The following IFTAP variants were observed in gnomAD, a reference collection of about 807,000 sequenced individuals.
IFTAP encodes the protein intraflagellar transport associated protein, also known as intraflagellar transport-associated protein.
Under a neutral mutation model 19.4 loss-of-function variants are expected in IFTAP, and 19 were observed. The ratio of observed to expected loss-of-function variants is 0.98; its 90% confidence interval spans 0.68 to 1.44. The LOEUF (loss-of-function observed/expected upper bound fraction) is 1.44, where lower values mean the gene tolerates loss of function less well. IFTAP is among the 40% of genes most tolerant of loss of function. IFTAP has a pLI of 0.00. For synonymous variants in IFTAP, 85 were observed against 83.5 expected, an observed-to-expected ratio of 1.02 and a Z score of -0.10; for missense variants, 240 against 253.6, an observed-to-expected ratio of 0.95 and a Z score of 0.36.
intron 4 of IFTAP, among the ~76,000 whole-genome samples, chr11:36,643,160 A>G (rs1178644959): frequency 6.6e-6 from 1 of 152,246 alleles, no homozygotes; most frequent in East Asian, 1.9e-4. Context: ...AAGTCTCAGG[A>G]TACAAAATCA....
At chr11:36,617,044 T>C (rs186711422) in intron 2 of IFTAP, among the ~76,000 whole-genome samples, 3 of 151,660 alleles carry the variant, frequency 2.0e-5, no homozygotes, top group Admixed American at 6.6e-5. Flanking sequence ...GCATAAAACA[T>C]ACACTGGATT....
chr11:36,597,136 G>T (rs753127497), intron 1 of IFTAP, among the ~76,000 whole-genome samples: 1 of 152,140 alleles, frequency 6.6e-6, no homozygotes, highest in African/African-American at 2.4e-5. Context: ...GATGATGTAT[G>T]CATTTAAAGA....
intron 2 of IFTAP, among the ~76,000 whole-genome samples, chr11:36,623,572 T>C (rs1456068340): frequency 6.6e-6 from 1 of 152,184 alleles, no homozygotes; most frequent in Non-Finnish European, 1.5e-5. Context: ...TTGGCACATG[T>C]TCTGTCCCAA....
At chr11:36,623,762 T>C (rs1271456752) in intron 2 of IFTAP, among the ~76,000 whole-genome samples, 4 of 152,212 alleles carry the variant, frequency 2.6e-5, no homozygotes, top group Non-Finnish European at 5.9e-5. Context: ...TCATTGCCTG[T>C]ACTTTCAGGA....
intron 2 of IFTAP, among the ~76,000 whole-genome samples, chr11:36,622,884 A>T (rs1051814728): frequency 6.6e-6 from 1 of 152,120 alleles, no homozygotes; most frequent in Non-Finnish European, 1.5e-5. Flanking sequence ...TATAGTACAT[A>T]TTGTATTGTG....
intron 2 of IFTAP, among the ~76,000 whole-genome samples, chr11:36,619,556 C>A (rs1852221516): frequency 6.6e-6 from 1 of 151,978 alleles, no homozygotes; most frequent in Non-Finnish European, 1.5e-5. Context: ...AAAGAAAACA[C>A]AACAAGAAAA....
At chr11:36,643,525 A>G (rs1193652741) in intron 4 of IFTAP, among the ~76,000 whole-genome samples, 1 of 152,238 alleles carries the variant, frequency 6.6e-6, no homozygotes, top group Admixed American at 6.5e-5. Context: ...ACCAAAAAAG[A>G]GCCTGCATTG....
chr11:36,602,699 G>A (rs1467913681), intron 1 of IFTAP, among the ~76,000 whole-genome samples: 37 of 152,066 alleles, frequency 2.4e-4, no homozygotes, highest in Admixed American at 2.4e-3. Flanking sequence ...ATCAGTTTTG[G>A]ACATGGCTGA....
chr11:36,644,661 A>G (rs951464552), intron 4 of IFTAP, among the ~76,000 whole-genome samples: 8 of 152,150 alleles, frequency 5.3e-5, no homozygotes, highest in Non-Finnish European at 1.0e-4. Context: ...ATGGAATACT[A>G]TGCAGCCATA....
chr11:36,657,708 G>A (rs1457989187), intron 5 of IFTAP, among the ~76,000 whole-genome samples: 1 of 152,126 alleles, frequency 6.6e-6, no homozygotes, highest in African/African-American at 2.4e-5. Context: ...AGCTTTATAA[G>A]GTAGGGGTAA....
intron 4 of IFTAP, among the ~76,000 whole-genome samples, chr11:36,644,060 C>A (rs1265135052): frequency 2.0e-5 from 3 of 152,092 alleles, no homozygotes; most frequent in Non-Finnish European, 2.9e-5. Context: ...AGTGAACAGG[C>A]AACCTACAGA....
Position 36,622,083 on chromosome 11 carries a change from A to ATTTTTTTTTTTTT in IFTAP, c.137-11195_137-11194insTTTTTTTTTTTTT, listed in dbSNP as rs199873596. Among the ~76,000 whole-genome samples the ATTTTTTTTTTTTT allele has an allele frequency of 2.5e-4, 34 of 138,182 alleles. 1 individual carries two copies. Among genetic ancestry groups the ATTTTTTTTTTTTT allele is most frequent in the African/African-American group, 3.9e-4 (14 of 35,754 alleles). The allele number at this position is 138,182 out of a possible 152,430, so 90.7% of individuals were successfully genotyped here. On this transcript the variant is annotated intron_variant, in intron 2 of 5. Coordinates refer to ENST00000334307, the MANE Select transcript of IFTAP (RefSeq NM_138787.4). Reference sequence around the variant, plus strand: ...TTATTTTACTTTAAGCTCTTGTTCTATTTTTTATTTTTTTTTTTGTGAAGG... The same window carrying ATTTTTTTTTTTTT: ...TTATTTTACTTTAAGCTCTTGTTCTATTTTTTTTTTTTTTTTTTTATTTTTTTTTTTGTGAAGG...
rs1273491479 is a variant in IFTAP, at chr11:36,635,916, TG to T, written c.292-132del. The stretch of plus-strand genomic sequence containing the variant: ...CACAGTGAACACAAAAGCCTTGAGC[TG>T]GGACTCAAGAGTTAATGAGAAAAGT... On this transcript the variant is annotated intron_variant, in intron 3 of 5. Transcript: ENST00000334307. The T allele has an allele frequency of 1.0e-4, 67 of 673,200 alleles. 1 individual carries two copies. The South Asian group carries it at 1.0e-3, about 10-fold the overall frequency. The allele number at this position is 673,200 out of a possible 1,614,324, so 41.7% of individuals were successfully genotyped here. A position where few individuals can be genotyped will look rare whatever the true frequency, so the allele number is the denominator to read the frequency against.
intron 5 of IFTAP, among the ~76,000 whole-genome samples, chr11:36,652,958 G>C (rs947680064): frequency 6.6e-6 from 1 of 152,104 alleles, no homozygotes; most frequent in Non-Finnish European, 1.5e-5. Flanking sequence ...AGAACAAAGA[G>C]AGTTGTTATT....
At chr11:36,618,664 T>C (rs1852185953) in intron 2 of IFTAP, among the ~76,000 whole-genome samples, 1 of 152,020 alleles carries the variant, frequency 6.6e-6, no homozygotes, top group South Asian at 2.1e-4. Context: ...CACCCACATT[T>C]AGTGGATGGC....
chr11:36,651,821 A>C (rs1399558957), intron 5 of IFTAP, among the ~76,000 whole-genome samples: 1 of 152,236 alleles, frequency 6.6e-6, no homozygotes, highest in African/African-American at 2.4e-5. Flanking sequence ...TCCTTTCCCC[A>C]TCTCTTGTTT....
At chr11:36,655,840 G>A (rs1429843676) in intron 5 of IFTAP, among the ~76,000 whole-genome samples, 1 of 152,002 alleles carries the variant, frequency 6.6e-6, no homozygotes, top group African/African-American at 2.4e-5. Flanking sequence ...TATTATAAAT[G>A]AATAATCTTT....
At chr11:36,652,095 A>G (rs1853763326) in intron 5 of IFTAP, among the ~76,000 whole-genome samples, 1 of 152,202 alleles carries the variant, frequency 6.6e-6, no homozygotes, top group South Asian at 2.1e-4. Context: ...GAAGAAAGTC[A>G]TTGGTAGCTT....
At chr11:36,598,928 G>A (rs1851398467) in intron 1 of IFTAP, among the ~76,000 whole-genome samples, 1 of 152,176 alleles carries the variant, frequency 6.6e-6, no homozygotes, top group South Asian at 2.1e-4. Flanking sequence ...TATGCAAAGT[G>A]TTCAGCCAAG....
Sources: gnomAD v4.1 joint callset for allele counts (sites outside exome capture counted in the v4.1 genomes callset) on GRCh38, gnomAD v4.1.1 for gene constraint, MANE v1.5 for transcripts, NCBI Gene and HGNC (gene_info 2026-07-23, HGNC 2026-07-21) for gene names.